Variants in BCS1L observed in about 807,000 individuals in gnomAD.
BCS1L encodes the protein BCS1 ubiquinol-cytochrome c reductase complex chaperone, also known as mitochondrial chaperone BCS1.
BCS1L carries 38 observed loss-of-function variants against 49.3 expected under a neutral mutation model. The ratio of observed to expected loss-of-function variants is 0.77; its 90% CI spans 0.59 to 1.01. The LOEUF is 1.01. BCS1L is among the 50% of genes least tolerant of loss of function. The pLI is 0.00. For missense variants in BCS1L, 394 were observed against 540.2 expected (o/e 0.73, Z 2.68); for synonymous variants, 193 against 210.1 (o/e 0.92, Z 0.70).
chr2:218,660,784 G>C (rs1407885466), intron 1 of BCS1L, 155 bp from the exon 2 acceptor site: 1 of 599,674 alleles, frequency 1.7e-6, no homozygotes. Flanking sequence ...AATGGGATGA[G>C]GGACCTGGAG....
At position 218,662,390 on chromosome 2, in the gene BCS1L, AG is replaced by A; in HGVS notation, c.720-117del. On this transcript the variant is annotated intron_variant, in intron 5 of 7. Transcript: ENST00000359273. The surrounding 1 kb of genome is among the most constrained non-coding windows in gnomAD (Gnocchi z 5.8). ...ATAAACATGAAACGTGTGGAACATCAGGGTGTGAGGTAGAAGTCAGGCCTCT... is the reference window on the plus strand; with the variant it reads ...ATAAACATGAAACGTGTGGAACATCAGGTGTGAGGTAGAAGTCAGGCCTCT... 1 of 1,487,868 alleles carries A rather than the reference AG, an allele frequency of 6.7e-7. No homozygotes were observed. The highest frequency in any genetic ancestry group is 2.3e-5 in the East Asian group (1 of 44,280). 92.2% of individuals were successfully genotyped at this position (1,487,868 alleles called of 1,614,324 possible).
At chr2:218,658,769 GGACGCTGAGCCGTCAA>G (rs1938917172), upstream of BCS1L, 1 of 152,064 alleles carries the variant, frequency 6.6e-6, no homozygotes, top group African/African-American at 2.4e-5. Flanking sequence ...GAGCCAAGGA[GGACGCTGAGCCGTCAA>G]GATTAAGAAC....
chr2:218,661,560 A>G lies in BCS1L; in HGVS notation c.460+15A>G, dbSNP rs1292101008. On this transcript the variant is annotated intron_variant, in intron 3 of 7. Transcript: ENST00000359273. The surrounding 1 kb of genome is among the most constrained non-coding windows in gnomAD (Gnocchi z 5.9). ...CCTGGAGGAAGGTGTGGGATGGCAC[A>G]GGCAGGCTTTCTAGGGACATTGCAG... 1 of 1,614,066 alleles carries G rather than the reference A, an allele frequency of 6.2e-7. No individual in the cohort carries two copies. The highest frequency in any genetic ancestry group is 8.5e-7 in the Non-Finnish European group (1 of 1,179,996).
chr2:218,661,373 TTCAC>T lies in BCS1L; in HGVS notation c.321-25_321-22del, dbSNP rs755347184. The T allele has an allele frequency of 3.1e-6, 5 of 1,614,072 alleles. No homozygotes were observed. Among genetic ancestry groups the T allele is most frequent in the African/African-American group, 1.3e-5 (1 of 74,930 alleles). ...AATGATGGGAGCTGGGTTTGACCCA[TTCAC>T]TCACTCAGTTTTGATCGTTCTTATT... is the stretch of plus-strand genomic sequence containing the variant. On this transcript the variant is annotated intron_variant, in intron 2 of 7. Coordinates refer to ENST00000359273, the MANE Select transcript of BCS1L (RefSeq NM_001079866.2). The surrounding 1 kb of genome is among the most constrained non-coding windows in gnomAD (Gnocchi z 5.9).
In BCS1L at chr2:218,661,224, C is replaced by G. The variant is rs757259048; in HGVS notation, c.237C>G (p.Val79=). 1 of 1,614,210 alleles carries G rather than the reference C, an allele frequency of 6.2e-7. No homozygotes were observed. The highest frequency in any genetic ancestry group is 8.5e-7 in the Non-Finnish European group (1 of 1,180,036). The change falls in exon 2 of 8, where the codon GTC becomes GTG. Residue 79 remains valine (V), a synonymous_variant. Coordinates refer to ENST00000359273, the MANE Select transcript of BCS1L (RefSeq NM_001079866.2). This position sits in a 1 kb window ranked among gnomAD's most constrained non-coding sequence, Gnocchi z 5.9. ...RHSTRTQHLS[V]ETSYLQHESG... is the part of the protein sequence containing the mutation. Reference sequence around the variant, plus strand: ...GTACCCGTACTCAGCACCTCAGTGTCGAGACTTCGTACCTTCAGCATGAGA... The same window carrying G: ...GTACCCGTACTCAGCACCTCAGTGTGGAGACTTCGTACCTTCAGCATGAGA...
chr2:218,661,317 G>A lies in BCS1L; in HGVS notation c.320+10G>A, dbSNP rs1939393277. 1 of 1,614,216 alleles carries A rather than the reference G, an allele frequency of 6.2e-7. No homozygotes were observed. Among genetic ancestry groups the A allele is most frequent in the Non-Finnish European group, 8.5e-7 (1 of 1,180,030 alleles). ...GAAACCATTTTATCTGGTAAGGTGGGGAGCTAGGGAGGGCTGTGAGAGTAG... is the reference window on the plus strand; with the variant it reads ...GAAACCATTTTATCTGGTAAGGTGGAGAGCTAGGGAGGGCTGTGAGAGTAG... On this transcript the variant is annotated intron_variant, in intron 2 of 7. Transcript: ENST00000359273. This position sits in a 1 kb window ranked among gnomAD's most constrained non-coding sequence, Gnocchi z 5.9.
At position 218,663,016 on chromosome 2, in the gene BCS1L, G is replaced by A. The variant is rs115594405; in HGVS notation, c.1007+16G>A. ...ACGTTGACAGGTAGGAAGGAGCCAG[G>A]CATCCTGAGACTTAGGCAAGAGCCC... On this transcript the variant is annotated intron_variant, in intron 7 of 7. Coordinates refer to ENST00000359273, the MANE Select transcript of BCS1L (RefSeq NM_001079866.2). 3,597 of 1,613,934 alleles carry A rather than the reference G, an allele frequency of 2.2e-3. 70 individuals carry two copies. The African/African-American group carries it at 0.042, about 19-fold the overall frequency.
In BCS1L at chr2:218,662,980, G is replaced by T; in HGVS notation, c.987G>T (p.Met329Ile). Residue 329 changes from methionine to isoleucine, a missense_variant, in exon 7 of 8, where the codon ATG (methionine) becomes ATT (isoleucine). Physicochemically the swap from Met to Ile is conservative, Grantham distance 10. Coordinates refer to ENST00000359273, the MANE Select transcript of BCS1L (RefSeq NM_001079866.2). This position sits in a 1 kb window ranked among gnomAD's most constrained non-coding sequence, Gnocchi z 5.8. ...VASTEARIVF[M>I]TTNHVDRLDP... Reference sequence around the variant, plus strand: ...CCACCGAGGCCCGCATCGTGTTCATGACCACCAACCACGTTGACAGGTAGG... The same window carrying T: ...CCACCGAGGCCCGCATCGTGTTCATTACCACCAACCACGTTGACAGGTAGG... 2 of 1,613,878 alleles carry T rather than the reference G, an allele frequency of 1.2e-6. No individual in the cohort carries two copies. The highest frequency in any genetic ancestry group is 1.1e-5 in the South Asian group (1 of 91,016).
In BCS1L at chr2:218,661,415, G is replaced by A. The variant is rs1400142483; in HGVS notation, c.330G>A (p.Gly110=). 6.2e-7 allele frequency: 1 copy of A among 1,614,220 alleles called. No individual in the cohort carries two copies. Among genetic ancestry groups the A allele is most frequent in the Non-Finnish European group, 8.5e-7 (1 of 1,180,044 alleles). Reference sequence around the variant, plus strand: ...GATCGTTCTTATTCAGGTATCGGGGGAAATGGATTCGGGTAGAACGAAGTC... The same window carrying A: ...GATCGTTCTTATTCAGGTATCGGGGAAAATGGATTCGGGTAGAACGAAGTC... ...SPGNHFIWYR[G]KWIRVERSRE... The change falls in exon 3 of 8, where the codon GGG becomes GGA. Residue 110 remains glycine, a synonymous_variant. Coordinates refer to ENST00000359273, the MANE Select transcript of BCS1L (RefSeq NM_001079866.2). The surrounding 1 kb of genome is among the most constrained non-coding windows in gnomAD (Gnocchi z 5.9).
chr2:218,658,828 G>A (rs1938928748), upstream of BCS1L: 1 of 152,318 alleles, frequency 6.6e-6, no homozygotes. Context: ...TGAGGTAGGA[G>A]ACAGGTGGGC....
Position 218,662,729 on chromosome 2 carries a change from G to C in BCS1L, c.889+50G>C, listed in dbSNP as rs1939617659. On this transcript the variant is annotated intron_variant, in intron 6 of 7. Coordinates refer to ENST00000359273, the MANE Select transcript of BCS1L (RefSeq NM_001079866.2). This position sits in a 1 kb window ranked among gnomAD's most constrained non-coding sequence, Gnocchi z 5.8. ...TGGAGTGGGTAACTGTGGAACAGGG[G>C]AAGAAAGCAGAAATCCAGAGGGCTG... 1 of 1,613,182 alleles carries C rather than the reference G, an allele frequency of 6.2e-7. No homozygotes were observed. The highest frequency in any genetic ancestry group is 1.3e-5 in the African/African-American group (1 of 74,928).
In BCS1L at chr2:218,661,724, G is replaced by A; in HGVS notation, c.461-35G>A. ...ATTGAAGAATCAGCCATGGTGAAGA[G>A]AATTATTGGCTTTATCTCATCTTCT... On this transcript the variant is annotated intron_variant, in intron 3 of 7. Coordinates refer to ENST00000359273, the MANE Select transcript of BCS1L (RefSeq NM_001079866.2). This position sits in a 1 kb window ranked among gnomAD's most constrained non-coding sequence, Gnocchi z 5.9. 1.9e-6 allele frequency: 3 copies of A among 1,604,540 alleles called. No individual in the cohort carries two copies. The highest frequency in any genetic ancestry group is 1.7e-6 in the Non-Finnish European group (2 of 1,174,288).
In BCS1L at chr2:218,663,431, A is replaced by G. The variant is rs1399940983; in HGVS notation, c.*45A>G. The G allele has an allele frequency of 3.7e-6, 6 of 1,611,252 alleles. No homozygotes were observed. The Admixed American group carries it at 8.3e-5, about 22-fold the overall frequency. ...GCTCTCCTCCTCTAGCTCAATAAAC[A>G]TCTGCCACACTACTCTGCTCTCTCA... On this transcript the variant is annotated 3_prime_UTR_variant, in exon 8 of 8. Transcript: ENST00000359273.
At chr2:218,659,366 C>T (rs13011338), upstream of BCS1L, 6,187 of 152,370 alleles carry the variant, frequency 0.041, 166 homozygotes, top group East Asian at 0.12. This position sits in a 1 kb window ranked among gnomAD's most constrained non-coding sequence, Gnocchi z 4.4. Context: ...GCCGCTCACT[C>T]ACCTCCAGAC....
chr2:218,662,736 G>C lies in BCS1L; in HGVS notation c.889+57G>C. 1.2e-6 allele frequency: 2 copies of C among 1,613,072 alleles called. No homozygotes were observed. Among genetic ancestry groups the C allele is most frequent in the African/African-American group, 2.7e-5 (2 of 75,036 alleles). ...GGTAACTGTGGAACAGGGGAAGAAA[G>C]CAGAAATCCAGAGGGCTGGTGGAAG... On this transcript the variant is annotated intron_variant, in intron 6 of 7. Transcript: ENST00000359273. This position sits in a 1 kb window ranked among gnomAD's most constrained non-coding sequence, Gnocchi z 5.8.
intron 7 of BCS1L, 25 bp downstream of exon 7, chr2:218,663,025 G>C: frequency 6.2e-7 from 1 of 1,613,984 alleles, no homozygotes; most frequent in South Asian, 1.1e-5. Flanking sequence ...GGCATCCTGA[G>C]ACTTAGGCAA....
At position 218,661,455 on chromosome 2, in the gene BCS1L, A is replaced by G; in HGVS notation, c.370A>G (p.Ile124Val). 1 of 1,614,176 alleles carries G rather than the reference A, an allele frequency of 6.2e-7. No individual in the cohort carries two copies. The highest frequency in any genetic ancestry group is 1.1e-5 in the South Asian group (1 of 91,088). Reference protein sequence around the residue: ...RVERSREMQMIDLQTGTPWES... With the variant: ...RVERSREMQMVDLQTGTPWES... ...AGAACGAAGTCGAGAGATGCAGATGATAGACTTGCAGACGGGGACTCCTTG... is the reference window on the plus strand; with the variant it reads ...AGAACGAAGTCGAGAGATGCAGATGGTAGACTTGCAGACGGGGACTCCTTG... The change falls in exon 3 of 8, where the codon ATA becomes GTA. Residue 124 changes from isoleucine (I) to valine (V), a missense_variant. By Grantham distance (29) the Ile-to-Val change is conservative. Transcript: ENST00000359273. The surrounding 1 kb of genome is among the most constrained non-coding windows in gnomAD (Gnocchi z 5.9).
chr2:218,662,104 C>T lies in BCS1L; in HGVS notation c.656-93C>T, dbSNP rs1401305007. The T allele has an allele frequency of 8.2e-5, 123 of 1,502,238 alleles. No individual in the cohort carries two copies. Among genetic ancestry groups the T allele is most frequent in the Non-Finnish European group, 1.1e-4 (116 of 1,078,858 alleles). 93.1% of individuals were successfully genotyped at this position (1,502,238 alleles called of 1,614,324 possible). A position where few individuals can be genotyped will look rare whatever the true frequency, so the allele number is the denominator to read the frequency against. On this transcript the variant is annotated intron_variant, in intron 4 of 7. Coordinates refer to ENST00000359273, the MANE Select transcript of BCS1L (RefSeq NM_001079866.2). This position sits in a 1 kb window ranked among gnomAD's most constrained non-coding sequence, Gnocchi z 5.8. ...GTTGTGTATGAGAATGATTTATTTC[C>T]GTACCAAGGTTATCAGGCTTCCAGG...
At position 218,662,436 on chromosome 2, in the gene BCS1L, G is replaced by A. The variant is rs548187711; in HGVS notation, c.720-74G>A. 38 of 1,586,436 alleles carry A rather than the reference G, an allele frequency of 2.4e-5. No individual in the cohort carries two copies. In the South Asian group the frequency reaches 3.0e-4, roughly 12 times the overall value. The stretch of plus-strand genomic sequence containing the variant: ...GCCTCTGAGACACATGTCCCCAGGC[G>A]GTGAGGAGAGTAGCTGGGCCTGAGG... On this transcript the variant is annotated intron_variant, in intron 5 of 7. Coordinates refer to ENST00000359273, the MANE Select transcript of BCS1L (RefSeq NM_001079866.2). The surrounding 1 kb of genome is among the most constrained non-coding windows in gnomAD (Gnocchi z 5.8).
Sources: allele counts gnomAD v4.1 joint callset, GRCh38; gene constraint gnomAD v4.1.1; non-coding constraint Gnocchi (gnomAD v3.1); transcripts MANE v1.5; gene names NCBI Gene and HGNC (gene_info 2026-07-23, HGNC 2026-07-21).